DPP10: variants seen among roughly 807,000 people sequenced by gnomAD.
DPP10 encodes inactive dipeptidyl peptidase 10.
Under a neutral mutation model 120.9 loss-of-function variants are expected in DPP10, and 33 were observed. The ratio of observed to expected loss-of-function variants is 0.27; its 90% CI spans 0.21 to 0.37. DPP10 has a LOEUF of 0.37. DPP10 is among the 10% of genes least tolerant of loss of function. The probability of loss-of-function intolerance (pLI) is 1.00; values close to 1 mark genes in which losing one functional copy is unlikely to be tolerated. For synonymous variants in DPP10, 337 were observed against 326.1 expected, an observed-to-expected ratio of 1.03 and a Z score of -0.36; for missense variants, 816 against 942.8, an observed-to-expected ratio of 0.87 and a Z score of 1.76.
Position 115,644,354 on chromosome 2 carries a change from T to A in DPP10, c.442-45333T>A, listed in dbSNP as rs2087048273. Among the ~76,000 whole-genome samples, 4 of 152,122 alleles carry A rather than the reference T, an allele frequency of 2.6e-5. No homozygotes were observed. In the South Asian group the frequency reaches 6.2e-4, roughly 24 times the overall value. On this transcript the variant is annotated intron_variant, in intron 5 of 25. Transcript: ENST00000410059. ...CAGGCCCCGGTGTGTGATGTTCCCC[T>A]TCTTGTGTCCAAGTGTTCTCATTGT...
At chr2:115,209,685 T>G (rs1369617667) in intron 1 of DPP10, among the ~76,000 whole-genome samples, 1 of 152,048 alleles carries the variant, frequency 6.6e-6, no homozygotes, top group Non-Finnish European at 1.5e-5. Flanking sequence ...GTCTTGCAGC[T>G]CAGAACAGCA....
chr2:114,754,993 A>G (rs150064366), intron 1 of DPP10, among the ~76,000 whole-genome samples: 133 of 152,362 alleles, frequency 8.7e-4, no homozygotes, highest in African/African-American at 3.1e-3. Flanking sequence ...ATTTTGCAAT[A>G]AAATAAAGAT....
intron 19 of DPP10, among the ~76,000 whole-genome samples, chr2:115,793,678 G>C (rs1214429549): frequency 2.0e-5 from 3 of 151,574 alleles, no homozygotes; most frequent in South Asian, 4.1e-4. Context: ...CTACTTTTTT[G>C]GTTGATACAG....
Position 114,589,031 on chromosome 2 carries a change from T to C in DPP10, c.60+146193T>C, listed in dbSNP as rs921468578. ...ATGCTGTCCGGTAGAAAGGCAAAGG[T>C]TTTTTTGGGGGGGGGGGTAGGGGAC... On this transcript the variant is annotated intron_variant, in intron 1 of 25. Transcript: ENST00000410059. 1.3e-3 allele frequency among the ~76,000 whole-genome samples: 160 copies of C among 120,526 alleles called. 1 individual carries two copies. Among genetic ancestry groups the C allele is most frequent in the Admixed American group, 3.5e-3 (43 of 12,356 alleles). The allele number at this position is 120,526 out of a possible 152,430, so 79.1% of individuals were successfully genotyped here. A position where few individuals can be genotyped will look rare whatever the true frequency, so the allele number is the denominator to read the frequency against.
chr2:115,073,029 C>T (rs1008870598), intron 1 of DPP10, among the ~76,000 whole-genome samples: 3 of 152,100 alleles, frequency 2.0e-5, no homozygotes, highest in Non-Finnish European at 2.9e-5. Flanking sequence ...GTGATCCACC[C>T]ACTTCAGCCT....
At chr2:114,728,436 G>A (rs897647906) in intron 1 of DPP10, among the ~76,000 whole-genome samples, 2 of 152,260 alleles carry the variant, frequency 1.3e-5, no homozygotes, top group Non-Finnish European at 2.9e-5. Flanking sequence ...TCGGGTGTTT[G>A]TAAAGGCATG....
At chr2:115,322,935 A>G (rs2062142884) in intron 2 of DPP10, among the ~76,000 whole-genome samples, 1 of 152,224 alleles carries the variant, frequency 6.6e-6, no homozygotes, top group Admixed American at 6.5e-5. Flanking sequence ...TTTTGTCAGT[A>G]GAGGGTCTTT....
intron 1 of DPP10, among the ~76,000 whole-genome samples, chr2:114,929,091 G>A (rs1040103023): frequency 6.6e-6 from 1 of 152,128 alleles, no homozygotes; most frequent in Non-Finnish European, 1.5e-5. Flanking sequence ...GATGCCCCCT[G>A]AGCCACAAAA....
At chr2:115,195,377 C>T (rs542039643) in intron 1 of DPP10, among the ~76,000 whole-genome samples, 1 of 152,258 alleles carries the variant, frequency 6.6e-6, no homozygotes, top group South Asian at 2.1e-4. Context: ...GGGATTGCAA[C>T]TGTGGAAGGT....
At chr2:115,777,606 A>G (rs748552115) in intron 14 of DPP10, among the ~76,000 whole-genome samples, 181 bp from the exon 15 acceptor site, 1 of 152,156 alleles carries the variant, frequency 6.6e-6, no homozygotes. Context: ...CTGTGTTTGT[A>G]TAGCAAAACA....
At chr2:114,516,841 A>G (rs1055399662) in intron 1 of DPP10, among the ~76,000 whole-genome samples, 1 of 152,188 alleles carries the variant, frequency 6.6e-6, no homozygotes, top group Non-Finnish European at 1.5e-5. Context: ...TGTTTTATGA[A>G]CCGAACTACT....
At chr2:114,744,865 G>A (rs997089494) in intron 1 of DPP10, among the ~76,000 whole-genome samples, 4 of 152,082 alleles carry the variant, frequency 2.6e-5, no homozygotes, top group East Asian at 3.9e-4. Flanking sequence ...AGGTTCAAGC[G>A]ATTCTCCTGC....
rs1190889837 is a variant in DPP10, at chr2:115,430,052, C to G, written c.272-69458C>G. 2.6e-5 allele frequency among the ~76,000 whole-genome samples: 4 copies of G among 152,078 alleles called. No individual in the cohort carries two copies. In the South Asian group the frequency reaches 6.2e-4, roughly 24 times the overall value. ...ACAGGTTCTGCGTGGTATTCTTTTG[C>G]AAATACCTGAAACCACTAGTTGGGA... is the stretch of plus-strand genomic sequence containing the variant. On this transcript the variant is annotated intron_variant, in intron 3 of 25. Transcript: ENST00000410059.
intron 1 of DPP10, among the ~76,000 whole-genome samples, chr2:114,713,190 G>T (rs1317873907): frequency 1.3e-5 from 2 of 152,010 alleles, no homozygotes; most frequent in African/African-American, 2.4e-5. Flanking sequence ...GTTTCACCAG[G>T]TTGGTCAGGC....
chr2:114,985,224 T>C (rs1364435142), intron 1 of DPP10, among the ~76,000 whole-genome samples: 1 of 152,182 alleles, frequency 6.6e-6, no homozygotes, highest in Non-Finnish European at 1.5e-5. Flanking sequence ...TTGTACTTTT[T>C]TTTTCCTTCT....
intron 1 of DPP10, among the ~76,000 whole-genome samples, chr2:114,648,506 A>G (rs1046017120): frequency 6.6e-6 from 1 of 152,070 alleles, no homozygotes; most frequent in African/African-American, 2.4e-5. Context: ...TAAATTACCC[A>G]CTAAATGTGG....
chr2:114,747,523 A>G (rs1202704104), intron 1 of DPP10, among the ~76,000 whole-genome samples: 3 of 152,246 alleles, frequency 2.0e-5, no homozygotes, highest in East Asian at 1.9e-4. Context: ...TATGTATGGC[A>G]TTTTAAAATG....
intron 1 of DPP10, among the ~76,000 whole-genome samples, chr2:115,007,703 TA>T (rs1289721468): frequency 1.3e-5 from 2 of 151,842 alleles, no homozygotes; most frequent in African/African-American, 4.8e-5. Flanking sequence ...GAAATCTCCT[TA>T]AGCTGATAAG....
At chr2:115,101,329 C>T (rs1191405887) in intron 1 of DPP10, among the ~76,000 whole-genome samples, 7 of 152,094 alleles carry the variant, frequency 4.6e-5, no homozygotes, top group Non-Finnish European at 7.4e-5. Context: ...CTTGATATCT[C>T]GTGGTTGGCT....
Sources: gnomAD v4.1 joint callset for allele counts (sites outside exome capture counted in the v4.1 genomes callset) on GRCh38, gnomAD v4.1.1 for gene constraint, MANE v1.5 for transcripts, NCBI Gene and HGNC (gene_info 2026-07-23, HGNC 2026-07-21) for gene names.